CNTN4: variants seen among roughly 807,000 people sequenced by gnomAD.
The protein encoded by CNTN4 is contactin-4.
CNTN4 carries 77 observed loss-of-function variants against 122.5 expected under a neutral mutation model. The ratio of observed to expected loss-of-function variants is 0.63; its 90% CI spans 0.52 to 0.76. The LOEUF is 0.76. Ranked by LOEUF, CNTN4 falls within the 30% of genes least tolerant of loss-of-function variation. The probability of loss-of-function intolerance (pLI) is 0.00; values close to 1 mark genes in which losing one functional copy is unlikely to be tolerated. For missense variants in CNTN4, 1,256 were observed against 1,259.1 expected (o/e 1.00, Z 0.04); for synonymous variants, 512 against 447.0 (o/e 1.15, Z -1.83).
At chr3:2,307,308 G>T (rs893086269) in intron 2 of CNTN4, among the ~76,000 whole-genome samples, 2 of 152,044 alleles carry the variant, frequency 1.3e-5, no homozygotes, top group Non-Finnish European at 2.9e-5. Flanking sequence ...GGTGGCGGGC[G>T]CCTGTAGTCC....
intron 4 of CNTN4, among the ~76,000 whole-genome samples, chr3:2,604,742 A>G (rs1053806423): frequency 6.6e-6 from 1 of 152,198 alleles, no homozygotes; most frequent in Non-Finnish European, 1.5e-5. Flanking sequence ...TGATGTGTCT[A>G]GAGATAAGAA....
At chr3:2,218,646 C>T (rs1720160) in intron 2 of CNTN4, among the ~76,000 whole-genome samples, 45,745 of 152,042 alleles carry the variant, frequency 0.3, 7,264 homozygotes, top group African/African-American at 0.37. Context: ...CTCCAGCTGT[C>T]TATATGTTAT....
intron 7 of CNTN4, among the ~76,000 whole-genome samples, chr3:2,830,512 A>G (rs2093081536): frequency 6.6e-6 from 1 of 152,222 alleles, no homozygotes; most frequent in African/African-American, 2.4e-5. Context: ...CCCAGAAAGC[A>G]GTGAAGGATG....
intron 14 of CNTN4, among the ~76,000 whole-genome samples, chr3:2,995,548 T>A (rs1695457810): frequency 6.6e-6 from 1 of 152,242 alleles, no homozygotes; most frequent in Non-Finnish European, 1.5e-5. Context: ...ATGCCAACTC[T>A]GTCTTTCGTA....
chr3:2,965,137 CAG>C (rs1692173790), intron 13 of CNTN4, among the ~76,000 whole-genome samples: 2 of 152,306 alleles, frequency 1.3e-5, no homozygotes, highest in East Asian at 3.9e-4. Context: ...TCTGTGCTCT[CAG>C]AATCAATAAA....
chr3:2,978,726 C>A (rs1693660904), intron 13 of CNTN4, among the ~76,000 whole-genome samples: 1 of 152,116 alleles, frequency 6.6e-6, no homozygotes, highest in African/African-American at 2.4e-5. Context: ...TTGGGGGATG[C>A]CTGTCTAACC....
rs190186732 is a variant in CNTN4 at position 2,131,913 on chromosome 3, G to A, written c.-145+31274G>A. Among the ~76,000 whole-genome samples, 14 of 152,154 alleles carry A rather than the reference G, an allele frequency of 9.2e-5. No individual in the cohort carries two copies. In the East Asian group the frequency reaches 2.7e-3, roughly 29 times the overall value. On this transcript the variant is annotated intron_variant, in intron 2 of 24. Coordinates refer to ENST00000418658, the MANE Select transcript of CNTN4 (RefSeq NM_175607.3). ...AGTACATCTCCCAATTTACCTAGTG[G>A]GCATTGTGTTAGCTAAGATAGCCCA...
At chr3:2,959,435 A>G (rs370529944) in intron 13 of CNTN4, among the ~76,000 whole-genome samples, 1 of 152,238 alleles carries the variant, frequency 6.6e-6, no homozygotes, top group African/African-American at 2.4e-5. Context: ...CTCCACAGGT[A>G]TTTATGAGTT....
At chr3:3,024,754 T>C (rs1323172958) in intron 14 of CNTN4, among the ~76,000 whole-genome samples, 1 of 152,194 alleles carries the variant, frequency 6.6e-6, no homozygotes, top group African/African-American at 2.4e-5. Context: ...TTAAATACTC[T>C]CTTTAAAGAG....
chr3:2,706,190 A>C, intron 4 of CNTN4, among the ~76,000 whole-genome samples: 2 of 151,636 alleles, frequency 1.3e-5, no homozygotes, highest in East Asian at 1.9e-4. Flanking sequence ...TAGGGGGAAA[A>C]CCCAGTGACA....
intron 23 of CNTN4, among the ~76,000 whole-genome samples, chr3:3,049,218 G>A (rs968100688): frequency 6.6e-6 from 1 of 152,300 alleles, no homozygotes; most frequent in East Asian, 1.9e-4. Flanking sequence ...AAGTAGCTGA[G>A]ACTACAGGCG....
chr3:2,583,117 A>T (rs1044589487), intron 4 of CNTN4, among the ~76,000 whole-genome samples: 1 of 152,232 alleles, frequency 6.6e-6, no homozygotes, highest in African/African-American at 2.4e-5. Flanking sequence ...CTAGAAATGC[A>T]TTCCTCTTGG....
Position 2,379,780 on chromosome 3 carries a change from C to T in CNTN4, c.-89+40547C>T, listed in dbSNP as rs143260812. ...TTATAAGAATATCATCATGGCCGGG[C>T]GCGGTGGCTCACGCCTGTAATCCTA... On this transcript the variant is annotated intron_variant, in intron 3 of 24. Coordinates refer to ENST00000418658, the MANE Select transcript of CNTN4 (RefSeq NM_175607.3). Among the ~76,000 whole-genome samples the T allele has an allele frequency of 8.5e-3, 1,294 of 152,170 alleles. 20 individuals are homozygous for T. Among genetic ancestry groups the T allele is most frequent in the African/African-American group, 0.03 (1,229 of 41,506 alleles).
chr3:3,030,765 T>G (rs1425211014), intron 15 of CNTN4, 90 bp from the exon 16 acceptor site: 2 of 1,450,638 alleles, frequency 1.4e-6, no homozygotes, highest in East Asian at 4.6e-5. Flanking sequence ...CAGTGTAAAA[T>G]AAATCCATTA....
At chr3:2,408,304 G>A (rs1037579180) in intron 3 of CNTN4, among the ~76,000 whole-genome samples, 1 of 152,128 alleles carries the variant, frequency 6.6e-6, no homozygotes. Flanking sequence ...TAAACAGCAA[G>A]CATGATGCTT....
At position 2,925,827 on chromosome 3, in the gene CNTN4, G is replaced by C. The variant is rs745749758; in HGVS notation, c.1358+48G>C. 2.0e-6 allele frequency: 3 copies of C among 1,514,042 alleles called. No individual in the cohort carries two copies. The African/African-American group carries it at 4.1e-5, about 21-fold the overall frequency. The allele number at this position is 1,514,042 out of a possible 1,614,324, so 93.8% of individuals were successfully genotyped here. A position where few individuals can be genotyped will look rare whatever the true frequency, so the allele number is the denominator to read the frequency against. ...ATATTTGGTTAACCTGTAAAAATGT[G>C]TTGGTCTGTTATTAATAATTCTAAG... On this transcript the variant is annotated intron_variant, in intron 13 of 24. Transcript: ENST00000418658.
intron 4 of CNTN4, among the ~76,000 whole-genome samples, chr3:2,653,715 G>C (rs1306095324): frequency 6.6e-6 from 1 of 152,142 alleles, no homozygotes; most frequent in African/African-American, 2.4e-5. Context: ...TGGATAACAA[G>C]AAGATAGTCT....
Position 2,384,761 on chromosome 3 carries a change from CGTGTGTGTGTGTGT to C in CNTN4, c.-89+45543_-89+45556del, listed in dbSNP as rs67019083. Among the ~76,000 whole-genome samples, 12 of 147,902 alleles carry C rather than the reference CGTGTGTGTGTGTGT, an allele frequency of 8.1e-5. No homozygotes were observed. In the East Asian group the frequency reaches 1.0e-3, roughly 12 times the overall value. ...TACACCAGTAACAACTCAATGTGTGCGTGTGTGTGTGTGTGTGTGTGTGTGTGTTCATGTTACCT... is the reference window on the plus strand; with the variant it reads ...TACACCAGTAACAACTCAATGTGTGCGTGTGTGTGTGTGTTCATGTTACCT... On this transcript the variant is annotated intron_variant, in intron 3 of 24. Transcript: ENST00000418658.
rs74737338 is a variant in CNTN4 at position 2,965,984 on chromosome 3, G to A, written c.1359-22361G>A. On this transcript the variant is annotated intron_variant, in intron 13 of 24. Transcript: ENST00000418658. The stretch of plus-strand genomic sequence containing the variant: ...TTCAGGGAACCACATTATTTTATCT[G>A]TCTCATATTTATTGGTGGTGATAGT... Among the ~76,000 whole-genome samples the A allele has an allele frequency of 2.8e-3, 431 of 152,156 alleles. 3 individuals are homozygous for A. The highest frequency in any genetic ancestry group is 0.012 in the East Asian group (61 of 5,156).
Sources: gnomAD v4.1 joint callset for allele counts (sites outside exome capture counted in the v4.1 genomes callset) on GRCh38, gnomAD v4.1.1 for gene constraint, MANE v1.5 for transcripts, NCBI Gene and HGNC (gene_info 2026-07-23, HGNC 2026-07-21) for gene names.